LRBA: variants seen among roughly 807,000 people sequenced by gnomAD.
The protein encoded by LRBA is lipopolysaccharide-responsive and beige-like anchor protein.
Under a neutral mutation model 330.0 loss-of-function variants are expected in LRBA, and 176 were observed. The observed-to-expected ratio is 0.53, with a 90% CI of 0.47 to 0.60. LRBA has a LOEUF of 0.60. Ranked by LOEUF, LRBA falls within the 20% of genes least tolerant of loss-of-function variation. The pLI is 0.00. For missense variants in LRBA, 3,259 were observed against 3,444.8 expected, an observed-to-expected ratio of 0.95 and a Z score of 1.35; for synonymous variants, 1,230 against 1,193.0, an observed-to-expected ratio of 1.03 and a Z score of -0.64.
intron 36 of LRBA, among the ~76,000 whole-genome samples, chr4:150,688,049 GCTATA>G (rs1783779243): frequency 6.6e-6 from 1 of 151,932 alleles, no homozygotes; most frequent in Non-Finnish European, 1.5e-5. Flanking sequence ...CTGACTTCAA[GCTATA>G]CTATAAGGCT....
At chr4:150,801,274 C>T (rs190505398) in intron 33 of LRBA, among the ~76,000 whole-genome samples, 6 of 152,242 alleles carry the variant, frequency 3.9e-5, no homozygotes, top group Admixed American at 2.0e-4. Context: ...AAACTAAATG[C>T]TCATGATGAA....
Position 150,282,661 on chromosome 4 carries a change from G to T in LRBA, c.8120-15C>A. The T allele has an allele frequency of 6.5e-7, 1 of 1,545,030 alleles. No homozygotes were observed. The highest frequency in any genetic ancestry group is 1.2e-5 in the South Asian group (1 of 86,710). On this transcript the variant is annotated splice_polypyrimidine_tract_variant and intron_variant, in intron 54 of 56. Transcript: ENST00000651943. ...ACATGGTCCTTCTGAGAAGAGAGGAGAAATAAAAGGCAAAATTATTGAATG... is the reference window on the plus strand; with the variant it reads ...ACATGGTCCTTCTGAGAAGAGAGGATAAATAAAAGGCAAAATTATTGAATG...
At chr4:150,278,834 TC>T (rs1183682765) in intron 55 of LRBA, among the ~76,000 whole-genome samples, 1 of 147,392 alleles carries the variant, frequency 6.8e-6, no homozygotes, top group Non-Finnish European at 1.5e-5. Context: ...TTTTTTTTTT[TC>T]CCCCCTCGAG....
chr4:150,682,188 A>G (rs1246283980), intron 37 of LRBA, among the ~76,000 whole-genome samples: 1 of 152,210 alleles, frequency 6.6e-6, no homozygotes, highest in Non-Finnish European at 1.5e-5. Flanking sequence ...TAATATCCTA[A>G]TTCATTCAGT....
At chr4:150,374,431 C>T (rs1202814717) in intron 47 of LRBA, among the ~76,000 whole-genome samples, 2 of 152,134 alleles carry the variant, frequency 1.3e-5, no homozygotes, top group African/African-American at 4.8e-5. Flanking sequence ...GAAGTAGACC[C>T]ACCTTGAACC....
At chr4:150,453,704 T>G (rs565523477) in intron 44 of LRBA, among the ~76,000 whole-genome samples, 1 of 152,230 alleles carries the variant, frequency 6.6e-6, no homozygotes, top group East Asian at 1.9e-4. Context: ...ACACTATCTA[T>G]TCACAGATCT....
At chr4:150,380,679 G>C (rs1183328152) in intron 47 of LRBA, among the ~76,000 whole-genome samples, 1 of 151,960 alleles carries the variant, frequency 6.6e-6, no homozygotes, top group Admixed American at 6.6e-5. Flanking sequence ...TCTAAATTAA[G>C]TATATTTTGT....
At chr4:150,492,763 C>G (rs1759124149) in intron 40 of LRBA, among the ~76,000 whole-genome samples, 1 of 152,096 alleles carries the variant, frequency 6.6e-6, no homozygotes. Context: ...TCAACTCATT[C>G]TTCCTCAGGG....
chr4:150,436,538 T>C (rs551838303), intron 45 of LRBA, among the ~76,000 whole-genome samples, 186 bp downstream of exon 45: 1 of 152,290 alleles, frequency 6.6e-6, no homozygotes. Flanking sequence ...ATTCATACAA[T>C]TCCAGATGAA....
At chr4:150,987,971 C>T (rs1035914352) in intron 2 of LRBA, among the ~76,000 whole-genome samples, 1 of 147,588 alleles carries the variant, frequency 6.8e-6, no homozygotes, top group African/African-American at 2.5e-5. Context: ...AACTTCACTA[C>T]AGCCTGGGTG....
chr4:150,825,675 A>G (rs1377717444), intron 30 of LRBA, among the ~76,000 whole-genome samples: 1 of 152,142 alleles, frequency 6.6e-6, no homozygotes, highest in Non-Finnish European at 1.5e-5. Flanking sequence ...TATCACGGTA[A>G]AAGTGCTCTC....
chr4:150,827,887 C>A (rs1447097050), intron 30 of LRBA, among the ~76,000 whole-genome samples: 1 of 152,120 alleles, frequency 6.6e-6, no homozygotes, highest in Non-Finnish European at 1.5e-5. Context: ...CAGATGTGAG[C>A]CACTGCACCT....
At position 150,770,592 on chromosome 4, in the gene LRBA, C is replaced by T. The variant is rs867982588; in HGVS notation, c.5581-8745G>A. Among the ~76,000 whole-genome samples, 291 of 147,486 alleles carry T rather than the reference C, an allele frequency of 2.0e-3. 1 individual carries two copies. The highest frequency in any genetic ancestry group is 5.3e-3 in the African/African-American group (213 of 40,402). Reference sequence around the variant, plus strand: ...TTTTATATATATATATATATACACACACACACACACACACACAAACACATA... The same window carrying T: ...TTTTATATATATATATATATACACATACACACACACACACACAAACACATA... On this transcript the variant is annotated intron_variant, in intron 34 of 56. Coordinates refer to ENST00000651943, the MANE Select transcript of LRBA (RefSeq NM_001364905.1).
At chr4:150,975,926 C>T (rs1335075747) in intron 2 of LRBA, among the ~76,000 whole-genome samples, 1 of 151,982 alleles carries the variant, frequency 6.6e-6, no homozygotes, top group East Asian at 1.9e-4. Context: ...CTTTGGGAGG[C>T]CAAGGTGGGC....
At chr4:150,445,373 C>CTA (rs1752471292) in intron 44 of LRBA, among the ~76,000 whole-genome samples, 1 of 83,982 alleles carries the variant, frequency 1.2e-5, no homozygotes, top group Non-Finnish European at 2.4e-5. Context: ...CTCTCTCTCT[C>CTA]TCTCTATATA....
At chr4:150,274,333 C>T (rs539461130) in intron 56 of LRBA, among the ~76,000 whole-genome samples, 12 of 152,238 alleles carry the variant, frequency 7.9e-5, no homozygotes, top group East Asian at 1.9e-4. Context: ...ATTTATAGTA[C>T]GTAATGCCCA....
chr4:150,629,829 C>T (rs994723683), intron 37 of LRBA, among the ~76,000 whole-genome samples: 2 of 151,164 alleles, frequency 1.3e-5, no homozygotes, highest in Non-Finnish European at 3.0e-5. Context: ...AAATTAGCTA[C>T]GCATGGTGGT....
intron 34 of LRBA, among the ~76,000 whole-genome samples, chr4:150,788,387 G>A (rs369231738): frequency 1.2e-4 from 18 of 151,584 alleles, no homozygotes; most frequent in East Asian, 3.9e-4. Flanking sequence ...CATGAGCCAC[G>A]ATGCCTGGCG....
intron 30 of LRBA, among the ~76,000 whole-genome samples, chr4:150,823,185 TG>T (rs1471723684): frequency 2.0e-5 from 3 of 152,230 alleles, no homozygotes; most frequent in African/African-American, 7.2e-5. Context: ...TTGAGCATCT[TG>T]TCATAAAATC....
Sources: gnomAD v4.1 joint callset for allele counts (sites outside exome capture counted in the v4.1 genomes callset) on GRCh38, gnomAD v4.1.1 for gene constraint, MANE v1.5 for transcripts, NCBI Gene and HGNC (gene_info 2026-07-23, HGNC 2026-07-21) for gene names.